The following CHFR variants were observed in gnomAD, a reference collection of about 807,000 sequenced individuals.
The protein encoded by CHFR is E3 ubiquitin-protein ligase CHFR.
In CHFR, 57 loss-of-function variants were observed where a neutral mutation model predicts 87.6. The ratio of observed to expected loss-of-function variants is 0.65; its 90% confidence interval spans 0.53 to 0.81. CHFR has a LOEUF of 0.81. CHFR is among the 30% of genes least tolerant of loss of function. The probability of loss-of-function intolerance (pLI) is 0.00; values close to 1 mark genes in which losing one functional copy is unlikely to be tolerated. For missense variants in CHFR, 797 were observed against 865.8 expected, an observed-to-expected ratio of 0.92 and a Z score of 1.00; for synonymous variants, 381 against 359.2, an observed-to-expected ratio of 1.06 and a Z score of -0.69.
At chr12:132,887,453 A>G in intron 1 of CHFR, 94 bp downstream of exon 1, 1 of 799,746 alleles carries the variant, frequency 1.3e-6, no homozygotes, top group Non-Finnish European at 1.5e-6. Context: ...GCAGCCCCGC[A>G]GCCCGGCCTG....
chr12:132,855,858 T>G (rs993879994), intron 10 of CHFR, among the ~76,000 whole-genome samples: 2 of 152,130 alleles, frequency 1.3e-5, no homozygotes, highest in African/African-American at 4.8e-5. Context: ...CAAGTGTTTT[T>G]TTTTGTCGTT....
At chr12:132,879,836 G>A (rs1045800539) in intron 2 of CHFR, among the ~76,000 whole-genome samples, 2 of 152,164 alleles carry the variant, frequency 1.3e-5, no homozygotes, top group Non-Finnish European at 1.5e-5. Flanking sequence ...ACAAAAAAGC[G>A]AAGGGTTTGG....
intron 9 of CHFR, among the ~76,000 whole-genome samples, 188 bp downstream of exon 9, chr12:132,857,217 G>C (rs1951097632): frequency 6.8e-6 from 1 of 146,078 alleles, no homozygotes; most frequent in South Asian, 2.2e-4. Flanking sequence ...CACGTGCCTG[G>C]GTGCTGGTGT....
Position 132,870,768 on chromosome 12 carries a change from T to G in CHFR, c.359A>C (p.Tyr120Ser). The change falls in exon 5 of 18, where the codon TAT (tyrosine) becomes TCT (serine). Residue 120 changes from tyrosine to serine, a missense_variant. Tyr to Ser is a moderately radical substitution (Grantham distance 144). This residue lies in a region of CHFR where 597 missense variants were observed against 601.2 expected (regional missense o/e 0.99). Transcript: ENST00000450056. ...GCCTTGCTTTTCACTTAAAGATTCA[T>G]AGAGGTATGCCACGTCTAAAAGAAA... ...NEPEHNVAYL[Y>S]ESLSEKQGMT... is the part of the protein sequence containing the mutation. 6.2e-7 allele frequency: 1 copy of G among 1,610,380 alleles called. No homozygotes were observed. Among genetic ancestry groups the G allele is most frequent in the Non-Finnish European group, 8.5e-7 (1 of 1,176,702 alleles).
intron 2 of CHFR, among the ~76,000 whole-genome samples, chr12:132,880,003 T>C (rs1951730849): frequency 6.6e-6 from 1 of 152,186 alleles, no homozygotes; most frequent in African/African-American, 2.4e-5. Context: ...TCCTCCAGAT[T>C]GTTTCATACA....
intron 14 of CHFR, chr12:132,847,703 G>A: frequency 9.0e-7 from 1 of 1,112,212 alleles, no homozygotes; most frequent in Non-Finnish European, 1.1e-6. Context: ...TCCTAGACGT[G>A]GGAAGGCAAA....
chr12:132,878,317 A>G (rs2137050277), intron 2 of CHFR, among the ~76,000 whole-genome samples: 1 of 151,960 alleles, frequency 6.6e-6, no homozygotes, highest in Admixed American at 6.6e-5. Flanking sequence ...AAAAATACAA[A>G]AATTAGCTGG....
chr12:132,880,328 G>C (rs939900686), intron 2 of CHFR, among the ~76,000 whole-genome samples: 1 of 152,058 alleles, frequency 6.6e-6, no homozygotes, highest in African/African-American at 2.4e-5. Context: ...GCACAAACCA[G>C]GAAAAAATAA....
In CHFR at chr12:132,835,643, G is replaced by T; in HGVS notation, c.*5911C>A. The T allele has an allele frequency of 5.2e-6, 1 of 193,372 alleles. No homozygotes were observed. The highest frequency in any genetic ancestry group is 1.1e-5 in the Non-Finnish European group (1 of 91,960). 12.0% of individuals were successfully genotyped at this position (193,372 alleles called of 1,614,324 possible). A position where few individuals can be genotyped will look rare whatever the true frequency, so the allele number is the denominator to read the frequency against. ...GACAGACCAAAGAGGAACCGGCCCC[G>T]CTGACACCCTGATCTCAGAGTTCCA... On this transcript the variant is annotated 3_prime_UTR_variant, in exon 18 of 18. Coordinates refer to ENST00000450056, the MANE Select transcript of CHFR (RefSeq NM_001161346.2).
rs57560560 is a variant in CHFR, at chr12:132,865,653, C to CTTT, written c.583+3963_583+3965dup. ...TTCCCAAAGTGCTGGGATTACAGGT[C>CTTT]TTTTTTTTTTTTTTTTTTTTTTTTG... On this transcript the variant is annotated intron_variant, in intron 6 of 17. Transcript: ENST00000450056. Among the ~76,000 whole-genome samples, 266 of 58,212 alleles carry CTTT rather than the reference C, an allele frequency of 4.6e-3. 4 individuals are homozygous for CTTT. Among genetic ancestry groups the CTTT allele is most frequent in the South Asian group, 6.9e-3 (9 of 1,298 alleles). The allele number at this position is 58,212 out of a possible 152,430, so 38.2% of individuals were successfully genotyped here.
chr12:132,856,024 A>G (rs568913851), intron 10 of CHFR, among the ~76,000 whole-genome samples: 23 of 152,214 alleles, frequency 1.5e-4, no homozygotes, highest in Non-Finnish European at 2.9e-4. Flanking sequence ...GTCCTGACAA[A>G]TGATAAACAT....
intron 16 of CHFR, among the ~76,000 whole-genome samples, chr12:132,843,721 C>A (rs954004809): frequency 6.6e-6 from 1 of 151,988 alleles, no homozygotes; most frequent in South Asian, 2.1e-4. Flanking sequence ...AATCCTAGCA[C>A]TTTGGGAGGC....
chr12:132,871,272 C>T (rs1356146030), intron 4 of CHFR, among the ~76,000 whole-genome samples: 10 of 151,788 alleles, frequency 6.6e-5, no homozygotes, highest in African/African-American at 1.9e-4. Flanking sequence ...GCCAACACGG[C>T]GAAACCCTGT....
At position 132,864,814 on chromosome 12, in the gene CHFR, A is replaced by G. The variant is rs1007006702; in HGVS notation, c.584-3180T>C. Among the ~76,000 whole-genome samples, 4 of 152,314 alleles carry G rather than the reference A, an allele frequency of 2.6e-5. No individual in the cohort carries two copies. In the South Asian group the frequency reaches 8.3e-4, roughly 32 times the overall value. ...GAAGAATTTTTTTTTTAATTACATA[A>G]GTAATATATAAATACGCTGCCCTTT... is the stretch of plus-strand genomic sequence containing the variant. On this transcript the variant is annotated intron_variant, in intron 6 of 17. Coordinates refer to ENST00000450056, the MANE Select transcript of CHFR (RefSeq NM_001161346.2).
intron 10 of CHFR, among the ~76,000 whole-genome samples, chr12:132,855,939 A>G (rs1330894361): frequency 6.6e-6 from 1 of 152,208 alleles, no homozygotes; most frequent in Non-Finnish European, 1.5e-5. Flanking sequence ...GGAAACCTCA[A>G]CATGTCAGCA....
intron 2 of CHFR, among the ~76,000 whole-genome samples, chr12:132,886,609 T>C (rs1313175853): frequency 2.0e-5 from 3 of 152,160 alleles, no homozygotes; most frequent in African/African-American, 4.8e-5. Context: ...CTCTCACCCG[T>C]TGTATGACTT....
At chr12:132,844,248 C>T (rs896112321) in intron 15 of CHFR, 114 bp from the exon 16 acceptor site, 15 of 663,054 alleles carry the variant, frequency 2.3e-5, no homozygotes, top group South Asian at 9.6e-5. Flanking sequence ...AGACAACGGG[C>T]GACACATTAG....
At chr12:132,872,188 C>G (rs1210911687) in intron 4 of CHFR, 97 bp downstream of exon 4, 7 of 753,080 alleles carry the variant, frequency 9.3e-6, no homozygotes, top group African/African-American at 6.9e-5. Flanking sequence ...GAGGAACGTT[C>G]CTATGGGAAG....
At chr12:132,846,085 T>C (rs1299634719) in intron 15 of CHFR, among the ~76,000 whole-genome samples, 3 of 152,166 alleles carry the variant, frequency 2.0e-5, no homozygotes, top group Non-Finnish European at 4.4e-5. Flanking sequence ...TTTGTCTTTT[T>C]GTTTTCATTT....
Sources: gnomAD v4.1 joint callset for allele counts (sites outside exome capture counted in the v4.1 genomes callset) on GRCh38, gnomAD v4.1.1 for gene constraint, gnomAD v4.1.1 regional missense constraint, MANE v1.5 for transcripts, NCBI Gene and HGNC (gene_info 2026-07-23, HGNC 2026-07-21) for gene names.